SLC12A8: variants seen among roughly 807,000 people sequenced by gnomAD.
The protein encoded by SLC12A8 is solute carrier family 12 member 8.
SLC12A8 carries 69 observed loss-of-function variants against 75.6 expected under a neutral mutation model. The observed-to-expected ratio is 0.91, with a 90% CI of 0.75 to 1.11. The LOEUF (loss-of-function observed/expected upper bound fraction) is 1.11. Among genes scored for constraint, SLC12A8 ranks in the 50% most tolerant of loss-of-function variants. The pLI is 0.00. For missense variants in SLC12A8, 877 were observed against 896.7 expected (o/e 0.98, Z 0.28); for synonymous variants, 365 against 372.8 (o/e 0.98, Z 0.24).
rs752169319 is a variant in SLC12A8, at chr3:125,190,486, G to T, written c.87C>A (p.Thr29=). ...GCACAGGCTCCCACATGAACAGCTG[G>T]GTCTTCCACCAGGGCTGGGGCTGGG... ...ALAQPQPWWK[T]QLFMWEPVLF... The change falls in exon 3 of 14, where the codon ACC becomes ACA. Residue 29 remains threonine (T), a synonymous_variant. Coordinates refer to ENST00000469902, the MANE Select transcript of SLC12A8 (RefSeq NM_024628.6). The T allele has an allele frequency of 6.2e-6, 10 of 1,614,078 alleles. No individual in the cohort carries two copies. In the Admixed American group the frequency reaches 6.7e-5, roughly 11 times the overall value.
chr3:125,107,599 C>T lies in SLC12A8; in HGVS notation c.1587G>A (p.Glu529=). 1 of 1,614,210 alleles carries T rather than the reference C, an allele frequency of 6.2e-7. No homozygotes were observed. The highest frequency in any genetic ancestry group is 8.5e-7 in the Non-Finnish European group (1 of 1,180,022). The change falls in exon 10 of 14, where the codon GAG becomes GAA. Residue 529 remains glutamate (E), a synonymous_variant. Transcript: ENST00000469902. The part of the protein sequence containing the change: ...ISDRLPAASW[E]GQESCWNKQT... Reference sequence around the variant, plus strand: ...GCTTGTTCCAGCAGGACTCCTGCCCCTCCCAGGAGGCAGCGGGCAACCTGT... The same window carrying T: ...GCTTGTTCCAGCAGGACTCCTGCCCTTCCCAGGAGGCAGCGGGCAACCTGT...
intron 6 of SLC12A8, among the ~76,000 whole-genome samples, chr3:125,125,126 T>TA (rs959589816): frequency 1.2e-3 from 180 of 151,958 alleles, no homozygotes; most frequent in African/African-American, 4.1e-3. Context: ...AACCCTTTTT[T>TA]TTTTTTTTAA....
chr3:125,174,711 A>G (rs1367385364), intron 5 of SLC12A8, among the ~76,000 whole-genome samples: 1 of 152,246 alleles, frequency 6.6e-6, no homozygotes, highest in Non-Finnish European at 1.5e-5. Context: ...TAGTGAAAGA[A>G]GCCAAGCTGA....
chr3:125,141,171 G>A (rs781309688), intron 5 of SLC12A8, among the ~76,000 whole-genome samples: 1 of 148,078 alleles, frequency 6.8e-6, no homozygotes, highest in Non-Finnish European at 1.5e-5. Flanking sequence ...AAGGGGGGTG[G>A]GGTGGGGTGC....
chr3:125,196,788 G>A (rs1279066103), intron 2 of SLC12A8, among the ~76,000 whole-genome samples: 1 of 152,202 alleles, frequency 6.6e-6, no homozygotes. Flanking sequence ...AAGTAGCCAG[G>A]TGTGGTGGTG....
rs111554341 is a variant in SLC12A8, at chr3:125,133,363, G to A, written c.736+2306C>T. On this transcript the variant is annotated intron_variant, in intron 6 of 13. Coordinates refer to ENST00000469902, the MANE Select transcript of SLC12A8 (RefSeq NM_024628.6). ...CAGGAATACACACACACACACACAC[G>A]CACACACACACACACAATTTTTTTT... 3.5e-3 allele frequency among the ~76,000 whole-genome samples: 442 copies of A among 125,298 alleles called. 1 individual carries two copies. The highest frequency in any genetic ancestry group is 0.011 in the African/African-American group (378 of 35,580). The allele number at this position is 125,298 out of a possible 152,430, so 82.2% of individuals were successfully genotyped here.
chr3:125,128,260 A>C (rs1377835411), intron 6 of SLC12A8, among the ~76,000 whole-genome samples: 1 of 136,262 alleles, frequency 7.3e-6, no homozygotes, highest in Admixed American at 7.9e-5. Flanking sequence ...GGCTCACTGC[A>C]AGCTCCGCCT....
At chr3:125,108,410 C>T (rs62265706) in intron 9 of SLC12A8, among the ~76,000 whole-genome samples, 26,079 of 151,600 alleles carry the variant, frequency 0.17, 2,472 homozygotes, top group Middle Eastern at 0.32. Flanking sequence ...GCTCTGTTGC[C>T]CAGGCTGGAC....
intron 5 of SLC12A8, among the ~76,000 whole-genome samples, chr3:125,149,104 T>A (rs1933857172): frequency 6.6e-6 from 1 of 152,134 alleles, no homozygotes; most frequent in South Asian, 2.1e-4. Context: ...GGTGACTGCA[T>A]GTGGCAGGCA....
intron 2 of SLC12A8, among the ~76,000 whole-genome samples, chr3:125,193,425 C>CGA (rs1934945002): frequency 1.3e-5 from 2 of 152,212 alleles, no homozygotes; most frequent in Non-Finnish European, 2.9e-5. Flanking sequence ...ATCCCTTGTC[C>CGA]AGGCTCGCCA....
chr3:125,093,140 G>T (rs1278452226), intron 10 of SLC12A8, among the ~76,000 whole-genome samples: 1 of 152,176 alleles, frequency 6.6e-6, no homozygotes, highest in African/African-American at 2.4e-5. Flanking sequence ...AATGCATCTA[G>T]ATTGTTTAAC....
chr3:125,205,368 A>T (rs2107804821), intron 2 of SLC12A8, among the ~76,000 whole-genome samples: 1 of 151,738 alleles, frequency 6.6e-6, no homozygotes, highest in East Asian at 1.9e-4. Flanking sequence ...CAAATGAGTC[A>T]CAGAACCCTG....
At chr3:125,174,739 T>C (rs1934482928) in intron 5 of SLC12A8, among the ~76,000 whole-genome samples, 1 of 152,210 alleles carries the variant, frequency 6.6e-6, no homozygotes, top group African/African-American at 2.4e-5. Context: ...ACATACTGTA[T>C]GGTTCCAACT....
chr3:125,182,132 C>G (rs1296920053), intron 4 of SLC12A8, among the ~76,000 whole-genome samples: 1 of 152,152 alleles, frequency 6.6e-6, no homozygotes, highest in Non-Finnish European at 1.5e-5. Flanking sequence ...CAAGACCAGC[C>G]TGGGTAACAT....
intron 2 of SLC12A8, among the ~76,000 whole-genome samples, chr3:125,207,609 A>T (rs11710930): frequency 0.51 from 77,538 of 152,076 alleles, 20,647 homozygotes; most frequent in South Asian, 0.64. Context: ...GAGATTCTGC[A>T]GGACTTCAGA....
intron 2 of SLC12A8, among the ~76,000 whole-genome samples, chr3:125,205,578 T>C (rs1434373160): frequency 2.0e-5 from 3 of 152,192 alleles, no homozygotes; most frequent in Non-Finnish European, 2.9e-5. Context: ...TCAGTGTGCA[T>C]ATGAAATGCT....
At chr3:125,168,249 G>A (rs1030410799) in intron 5 of SLC12A8, among the ~76,000 whole-genome samples, 2 of 152,228 alleles carry the variant, frequency 1.3e-5, no homozygotes, top group Non-Finnish European at 2.9e-5. Context: ...TCCAGGCTTG[G>A]GGAAATGGTG....
chr3:125,167,323 T>G (rs1298013671), intron 5 of SLC12A8, among the ~76,000 whole-genome samples: 1 of 152,128 alleles, frequency 6.6e-6, no homozygotes, highest in Non-Finnish European at 1.5e-5. Flanking sequence ...ATTTTGTATT[T>G]TTCGTAGAGA....
intron 5 of SLC12A8, among the ~76,000 whole-genome samples, chr3:125,175,348 A>G (rs1665233681): frequency 6.6e-6 from 1 of 152,198 alleles, no homozygotes; most frequent in South Asian, 2.1e-4. Context: ...TTTTAACCAC[A>G]AAGAAAATAT....
Sources: allele counts gnomAD v4.1 joint callset (sites outside exome capture counted in the v4.1 genomes callset), GRCh38; gene constraint gnomAD v4.1.1; transcripts MANE v1.5; gene names NCBI Gene and HGNC (gene_info 2026-07-23, HGNC 2026-07-21).